CAP2: variants seen among roughly 807,000 people sequenced by gnomAD.
CAP2 encodes adenylyl cyclase-associated protein 2.
CAP2 carries 24 observed loss-of-function variants against 57.7 expected under a neutral mutation model. The observed-to-expected ratio is 0.42, with a 90% CI of 0.30 to 0.58. The LOEUF is 0.58. Among genes scored for constraint, CAP2 ranks in the 20% least tolerant of loss-of-function variants. The pLI is 0.22. For synonymous variants in CAP2, 194 were observed against 207.2 expected, an observed-to-expected ratio of 0.94 and a Z score of 0.55; for missense variants, 501 against 590.3, an observed-to-expected ratio of 0.85 and a Z score of 1.57.
intron 4 of CAP2, among the ~76,000 whole-genome samples, chr6:17,500,907 C>T (rs1317620049): frequency 6.6e-6 from 1 of 152,130 alleles, no homozygotes; most frequent in Admixed American, 6.5e-5. Context: ...TACACAAAAA[C>T]ACATAAGCCA....
intron 1 of CAP2, among the ~76,000 whole-genome samples, chr6:17,403,110 A>T (rs992456067): frequency 2.6e-5 from 4 of 151,948 alleles, no homozygotes; most frequent in Non-Finnish European, 2.9e-5. Context: ...TATTATTATT[A>T]TTTTTTATTG....
At chr6:17,536,607 C>G (rs1389204256) in intron 7 of CAP2, among the ~76,000 whole-genome samples, 2 of 152,154 alleles carry the variant, frequency 1.3e-5, no homozygotes, top group African/African-American at 2.4e-5. Flanking sequence ...TTTCAGTGTC[C>G]TTTAATGGCT....
At chr6:17,543,333 T>C (rs1762953254) in intron 11 of CAP2, among the ~76,000 whole-genome samples, 190 bp downstream of exon 11, 1 of 152,124 alleles carries the variant, frequency 6.6e-6, no homozygotes, top group South Asian at 2.1e-4. Flanking sequence ...GAAGCAGCCT[T>C]GCAGCCAGTC....
intron 4 of CAP2, among the ~76,000 whole-genome samples, chr6:17,483,520 G>C (rs1261838463): frequency 6.6e-6 from 1 of 152,144 alleles, no homozygotes; most frequent in Non-Finnish European, 1.5e-5. Context: ...GTGCAGACAA[G>C]GTGACGTCAA....
chr6:17,555,811 C>T (rs1763291740), intron 12 of CAP2, among the ~76,000 whole-genome samples: 1 of 152,138 alleles, frequency 6.6e-6, no homozygotes, highest in South Asian at 2.1e-4. Flanking sequence ...AGGTGATCCC[C>T]CTGCCTTGGC....
chr6:17,462,599 T>C (rs1385790286), intron 3 of CAP2, among the ~76,000 whole-genome samples: 1 of 152,204 alleles, frequency 6.6e-6, no homozygotes, highest in African/African-American at 2.4e-5. Context: ...TAGTGGTTTC[T>C]GTCTCTATAG....
At chr6:17,457,670 C>A (rs1211965908) in intron 3 of CAP2, among the ~76,000 whole-genome samples, 1 of 152,188 alleles carries the variant, frequency 6.6e-6, no homozygotes, top group Non-Finnish European at 1.5e-5. Context: ...TTGGGCCATT[C>A]TCCACCCCAA....
intron 1 of CAP2, among the ~76,000 whole-genome samples, chr6:17,410,577 T>C (rs1759113803): frequency 6.6e-6 from 1 of 151,938 alleles, no homozygotes. Context: ...ATTTAATTTT[T>C]TTTTTTTTTT....
rs1763341549 is a variant in CAP2, at chr6:17,557,495, A to G, written c.*1053A>G. ...ATATTCCTTTTTATCTTTTCAGTAC[A>G]TAGTGCTGAAAAATCTGCAACTTCT... On this transcript the variant is annotated 3_prime_UTR_variant, in exon 13 of 13. Coordinates refer to ENST00000229922, the MANE Select transcript of CAP2 (RefSeq NM_006366.3). 1 of 152,194 alleles carries G rather than the reference A, an allele frequency of 6.6e-6. No homozygotes were observed. Among genetic ancestry groups the G allele is most frequent in the African/African-American group, 2.4e-5 (1 of 41,450 alleles). The allele number at this position is 152,194 out of a possible 1,614,324, so 9.4% of individuals were successfully genotyped here.
At chr6:17,496,027 T>TGGCGGG (rs3075209) in intron 4 of CAP2, among the ~76,000 whole-genome samples, 1,496 of 44,182 alleles carry the variant, frequency 0.034, 190 homozygotes, top group African/African-American at 0.08. Context: ...CGTGTGTGGG[T>TGGCGGG]GGGGGGGGGG....
chr6:17,473,799 C>T (rs954482419), intron 4 of CAP2, among the ~76,000 whole-genome samples: 3 of 152,104 alleles, frequency 2.0e-5, no homozygotes, highest in Non-Finnish European at 4.4e-5. Context: ...ATGACAAAAC[C>T]ATCATTTGAT....
chr6:17,406,394 A>ATTTTTTTTTTTTTTTTTT (rs1335180213), intron 1 of CAP2, among the ~76,000 whole-genome samples: 14 of 91,894 alleles, frequency 1.5e-4, no homozygotes, highest in East Asian at 2.5e-4. Flanking sequence ...GTAAGCCCAG[A>ATTTTTTTTTTTTTTTTTT]TTTCTTTTTT....
At chr6:17,544,308 A>G (rs1762989163) in intron 11 of CAP2, among the ~76,000 whole-genome samples, 2 of 152,098 alleles carry the variant, frequency 1.3e-5, no homozygotes, top group African/African-American at 4.8e-5. Flanking sequence ...CCCCATTCCA[A>G]AGAGAACTTT....
chr6:17,408,434 G>A (rs1318322487), intron 1 of CAP2, among the ~76,000 whole-genome samples: 1 of 152,088 alleles, frequency 6.6e-6, no homozygotes, highest in Non-Finnish European at 1.5e-5. Flanking sequence ...AGCCATTCAT[G>A]AGGGATCTGC....
At chr6:17,457,853 C>A (rs1202593486) in intron 3 of CAP2, among the ~76,000 whole-genome samples, 1 of 152,212 alleles carries the variant, frequency 6.6e-6, no homozygotes, top group African/African-American at 2.4e-5. Context: ...GGGATAACTA[C>A]AAAAATATTG....
chr6:17,511,016 A>G (rs891540236), intron 6 of CAP2, among the ~76,000 whole-genome samples: 1 of 152,152 alleles, frequency 6.6e-6, no homozygotes, highest in East Asian at 1.9e-4. Flanking sequence ...AGGGTTCAGT[A>G]TTTGCCCCTC....
At chr6:17,499,510 C>T (rs1248040385) in intron 4 of CAP2, among the ~76,000 whole-genome samples, 1 of 151,586 alleles carries the variant, frequency 6.6e-6, no homozygotes, top group African/African-American at 2.4e-5. Context: ...TCTGAAAGAC[C>T]AAGTCACCAG....
At chr6:17,450,259 G>A (rs1203955893) in intron 3 of CAP2, among the ~76,000 whole-genome samples, 8 of 152,042 alleles carry the variant, frequency 5.3e-5, no homozygotes, top group Admixed American at 1.3e-4. Context: ...CACCATTTTA[G>A]CCAGGATGGT....
chr6:17,459,126 G>A (rs1291894784), intron 3 of CAP2, among the ~76,000 whole-genome samples: 1 of 152,180 alleles, frequency 6.6e-6, no homozygotes, highest in Non-Finnish European at 1.5e-5. Context: ...AAGCCCTCAT[G>A]TCTAGGTTTT....
Sources: allele counts gnomAD v4.1 joint callset (sites outside exome capture counted in the v4.1 genomes callset), GRCh38; gene constraint gnomAD v4.1.1; transcripts MANE v1.5; gene names NCBI Gene and HGNC (gene_info 2026-07-23, HGNC 2026-07-21).